PPP2R2A: variants seen among roughly 807,000 people sequenced by gnomAD.
PPP2R2A encodes serine/threonine-protein phosphatase 2A 55 kDa regulatory subunit B alpha isoform.
In PPP2R2A, 9 loss-of-function variants were observed where a neutral mutation model predicts 53.2. The ratio of observed to expected loss-of-function variants is 0.17; its 90% CI spans 0.10 to 0.30. The LOEUF (loss-of-function observed/expected upper bound fraction) is 0.30, where lower values mean the gene tolerates loss of function less well. Ranked by LOEUF, PPP2R2A falls within the 10% of genes least tolerant of loss-of-function variation. The probability of loss-of-function intolerance (pLI) is 1.00; values close to 1 mark genes in which losing one functional copy is unlikely to be tolerated. For synonymous variants in PPP2R2A, 169 were observed against 174.2 expected, an observed-to-expected ratio of 0.97 and a Z score of 0.23; for missense variants, 235 against 534.6, an observed-to-expected ratio of 0.44 and a Z score of 5.53.
At chr8:26,349,052 A>AG (rs1804360753) in intron 3 of PPP2R2A, among the ~76,000 whole-genome samples, 1 of 152,136 alleles carries the variant, frequency 6.6e-6, no homozygotes, top group Non-Finnish European at 1.5e-5. Flanking sequence ...TGGGAAGAAC[A>AG]TACTCCATCT....
intron 2 of PPP2R2A, among the ~76,000 whole-genome samples, chr8:26,328,194 A>G (rs1162176586): frequency 1.3e-5 from 2 of 152,240 alleles, no homozygotes; most frequent in African/African-American, 4.8e-5. Context: ...TTTTAGTCAT[A>G]ACCATATATG....
intron 2 of PPP2R2A, among the ~76,000 whole-genome samples, chr8:26,328,944 G>T (rs920753370): frequency 2.0e-5 from 3 of 152,116 alleles, no homozygotes; most frequent in Non-Finnish European, 4.4e-5. Flanking sequence ...ATAATTTGCA[G>T]TTTGCATGAA....
At chr8:26,336,686 G>A (rs1340061951) in intron 2 of PPP2R2A, among the ~76,000 whole-genome samples, 2 of 151,848 alleles carry the variant, frequency 1.3e-5, no homozygotes, top group African/African-American at 2.4e-5. Flanking sequence ...AGACTACCTT[G>A]AGCAACATAG....
chr8:26,334,913 C>T (rs192845571), intron 2 of PPP2R2A, among the ~76,000 whole-genome samples: 17 of 152,254 alleles, frequency 1.1e-4, no homozygotes, highest in Admixed American at 5.9e-4. Context: ...AGTATTTAGC[C>T]AGCCCTGTTT....
chr8:26,307,037 C>T, intron 2 of PPP2R2A, among the ~76,000 whole-genome samples: 1 of 152,094 alleles, frequency 6.6e-6, no homozygotes, highest in East Asian at 1.9e-4. Flanking sequence ...AAAATGTATT[C>T]TAGGAATCCA....
chr8:26,339,443 A>G (rs751717368), intron 3 of PPP2R2A, among the ~76,000 whole-genome samples: 6 of 152,194 alleles, frequency 3.9e-5, no homozygotes, highest in Admixed American at 6.5e-5. Context: ...TACTGTTACA[A>G]TGATTTAAAT....
At chr8:26,300,085 G>C (rs1285884189) in intron 2 of PPP2R2A, among the ~76,000 whole-genome samples, 1 of 152,064 alleles carries the variant, frequency 6.6e-6, no homozygotes, top group Non-Finnish European at 1.5e-5. Flanking sequence ...TAGTTTTCTT[G>C]CTTTGTTTTA....
At position 26,307,935 on chromosome 8, in the gene PPP2R2A, A is replaced by T. The variant is rs925626050; in HGVS notation, c.82+14195A>T. Among the ~76,000 whole-genome samples, 6 of 152,250 alleles carry T rather than the reference A, an allele frequency of 3.9e-5. No homozygotes were observed. In the South Asian group the frequency reaches 1.2e-3, roughly 31 times the overall value. On this transcript the variant is annotated intron_variant, in intron 2 of 9. Transcript: ENST00000380737. ...CCATGTACTATATGTAAATGAAAAAATAAAATCAAATATAGGCATACGTCA... is the reference window on the plus strand; with the variant it reads ...CCATGTACTATATGTAAATGAAAAATTAAAATCAAATATAGGCATACGTCA...
chr8:26,319,277 C>G (rs1171240845), intron 2 of PPP2R2A, among the ~76,000 whole-genome samples: 2 of 152,168 alleles, frequency 1.3e-5, no homozygotes, highest in Non-Finnish European at 2.9e-5. Flanking sequence ...CACTGATCTT[C>G]AAGTATCTGT....
At position 26,333,952 on chromosome 8, in the gene PPP2R2A, C is replaced by T. The variant is rs534191004; in HGVS notation, c.83-4938C>T. Reference sequence around the variant, plus strand: ...GAATTTCATTCTGTATAATAAATTACCAATCCCTTGGTTTGCATTAATAGT... The same window carrying T: ...GAATTTCATTCTGTATAATAAATTATCAATCCCTTGGTTTGCATTAATAGT... On this transcript the variant is annotated intron_variant, in intron 2 of 9. Transcript: ENST00000380737. Among the ~76,000 whole-genome samples, 117 of 152,244 alleles carry T rather than the reference C, an allele frequency of 7.7e-4. 1 individual carries two copies. The highest frequency in any genetic ancestry group is 2.6e-3 in the African/African-American group (110 of 41,540).
At chr8:26,313,202 T>G (rs1802375500) in intron 2 of PPP2R2A, among the ~76,000 whole-genome samples, 1 of 151,898 alleles carries the variant, frequency 6.6e-6, no homozygotes, top group South Asian at 2.1e-4. Context: ...CCTGGCTAAT[T>G]TTTTGTATTT....
At chr8:26,297,691 C>T (rs1168763287) in intron 2 of PPP2R2A, among the ~76,000 whole-genome samples, 1 of 152,072 alleles carries the variant, frequency 6.6e-6, no homozygotes, top group Non-Finnish European at 1.5e-5. Flanking sequence ...ACCTGTCTTA[C>T]AGTGTTGTTT....
chr8:26,371,053 G>GTA lies in PPP2R2A; in HGVS notation c.*641_*642dup, dbSNP rs1340772317. 6.6e-6 allele frequency: 1 copy of GTA among 152,494 alleles called. No individual in the cohort carries two copies. The highest frequency in any genetic ancestry group is 6.6e-5 in the Admixed American group (1 of 15,264). The allele number at this position is 152,494 out of a possible 1,614,324, so 9.4% of individuals were successfully genotyped here. ...ACAAATGTTTTAGTAACAGTTGGCTGTAATCACTCCTCGCCGTGTCTGGCA... is the reference window on the plus strand; with the variant it reads ...ACAAATGTTTTAGTAACAGTTGGCTGTATAATCACTCCTCGCCGTGTCTGGCA... On this transcript the variant is annotated 3_prime_UTR_variant, in exon 10 of 10. Coordinates refer to ENST00000380737, the MANE Select transcript of PPP2R2A (RefSeq NM_002717.4).
chr8:26,338,791 C>T lies in PPP2R2A; in HGVS notation c.83-99C>T. The T allele has an allele frequency of 2.8e-6, 2 of 717,960 alleles. No homozygotes were observed. The highest frequency in any genetic ancestry group is 2.7e-5 in the East Asian group (1 of 37,118). The allele number at this position is 717,960 out of a possible 1,614,324, so 44.5% of individuals were successfully genotyped here. ...GTTGATGTACTTCAAAGATATACTT[C>T]ATAGACTTGGAATGTTTGGGAAAAC... On this transcript the variant is annotated intron_variant, in intron 2 of 9. Transcript: ENST00000380737. This position sits in a 1 kb window ranked among gnomAD's most constrained non-coding sequence, Gnocchi z 4.5.
At chr8:26,313,684 G>C (rs1353424543) in intron 2 of PPP2R2A, among the ~76,000 whole-genome samples, 1 of 152,120 alleles carries the variant, frequency 6.6e-6, no homozygotes, top group Non-Finnish European at 1.5e-5. Flanking sequence ...GCTATAAAAG[G>C]GAGGCAAGAA....
At chr8:26,314,528 G>A (rs1802446268) in intron 2 of PPP2R2A, among the ~76,000 whole-genome samples, 1 of 152,110 alleles carries the variant, frequency 6.6e-6, no homozygotes, top group Admixed American at 6.5e-5. Context: ...TATGGGAAAG[G>A]TTTCATAGGA....
At chr8:26,350,388 T>C (rs973984651) in intron 3 of PPP2R2A, among the ~76,000 whole-genome samples, 2 of 151,964 alleles carry the variant, frequency 1.3e-5, no homozygotes, top group Admixed American at 1.3e-4. Context: ...TGATTCACAT[T>C]GAGATTGAGT....
intron 1 of PPP2R2A, 121 bp from the exon 2 acceptor site, chr8:26,293,545 A>T: frequency 1.1e-6 from 1 of 887,806 alleles, no homozygotes; most frequent in Non-Finnish European, 1.7e-6. Flanking sequence ...TCTTGGTGGT[A>T]GTTGTATGTG....
intron 2 of PPP2R2A, among the ~76,000 whole-genome samples, chr8:26,305,972 T>C (rs1323980587): frequency 6.6e-6 from 1 of 152,196 alleles, no homozygotes; most frequent in Non-Finnish European, 1.5e-5. Context: ...TAGAGACTTC[T>C]CTAGGTGAAT....
Sources: gnomAD v4.1 joint callset for allele counts (sites outside exome capture counted in the v4.1 genomes callset) on GRCh38, gnomAD v4.1.1 for gene constraint, Gnocchi (gnomAD v3.1) non-coding constraint, MANE v1.5 for transcripts, NCBI Gene and HGNC (gene_info 2026-07-23, HGNC 2026-07-21) for gene names.